SMOC1: variants seen among roughly 807,000 people sequenced by gnomAD.
The protein encoded by SMOC1 is SPARC-related modular calcium-binding protein 1.
SMOC1 carries 22 observed loss-of-function variants against 56.3 expected under a neutral mutation model. The observed-to-expected ratio is 0.39, with a 90% CI of 0.28 to 0.56. The LOEUF (loss-of-function observed/expected upper bound fraction) is 0.56. Among genes scored for constraint, SMOC1 ranks in the 20% least tolerant of loss-of-function variants. The pLI, the probability that SMOC1 is intolerant of heterozygous loss-of-function variation, is 0.61. For missense variants in SMOC1, 509 were observed against 565.4 expected, an observed-to-expected ratio of 0.90 and a Z score of 1.01; for synonymous variants, 193 against 215.0, an observed-to-expected ratio of 0.90 and a Z score of 0.89.
At chr14:69,997,857 A>T (rs984074490) in intron 7 of SMOC1, among the ~76,000 whole-genome samples, 1 of 152,156 alleles carries the variant, frequency 6.6e-6, no homozygotes, top group African/African-American at 2.4e-5. Context: ...GGTGTGCTTC[A>T]GCCTGCATCC....
intron 1 of SMOC1, among the ~76,000 whole-genome samples, chr14:69,940,793 T>C (rs1282114665): frequency 6.6e-6 from 1 of 151,862 alleles, no homozygotes; most frequent in East Asian, 1.9e-4. Context: ...AATATCTGGA[T>C]CCCTGGGTCC....
intron 1 of SMOC1, among the ~76,000 whole-genome samples, chr14:69,940,760 G>T (rs1364613108): frequency 6.6e-6 from 1 of 151,424 alleles, no homozygotes; most frequent in Non-Finnish European, 1.5e-5. Context: ...TTCCCTCAAT[G>T]CTAGTGGGCT....
intron 1 of SMOC1, among the ~76,000 whole-genome samples, chr14:69,900,061 C>T (rs1397789973): frequency 6.6e-6 from 1 of 152,228 alleles, no homozygotes; most frequent in Admixed American, 6.5e-5. Flanking sequence ...CTATTCACTC[C>T]AGACACACAC....
chr14:69,904,458 T>G (rs953240759), intron 1 of SMOC1, among the ~76,000 whole-genome samples: 1 of 152,230 alleles, frequency 6.6e-6, no homozygotes, highest in Admixed American at 6.5e-5. Flanking sequence ...CTCCAGCACA[T>G]GCCCTTAAGG....
chr14:69,957,087 G>T (rs1014555364), intron 3 of SMOC1, among the ~76,000 whole-genome samples: 2 of 152,174 alleles, frequency 1.3e-5, no homozygotes, highest in African/African-American at 4.8e-5. Flanking sequence ...GGTCTTATCT[G>T]TTTTCTGTTC....
At chr14:69,884,198 G>A (rs1014226170) in intron 1 of SMOC1, among the ~76,000 whole-genome samples, 6 of 152,108 alleles carry the variant, frequency 3.9e-5, no homozygotes, top group South Asian at 2.1e-4. Flanking sequence ...GAGCCACCGC[G>A]CCCGGCCGAG....
chr14:69,958,287 T>A (rs1344485034), intron 3 of SMOC1, among the ~76,000 whole-genome samples: 1 of 152,012 alleles, frequency 6.6e-6, no homozygotes, highest in East Asian at 1.9e-4. Context: ...AGAGAAAAAC[T>A]AAACTAAAAG....
intron 1 of SMOC1, among the ~76,000 whole-genome samples, chr14:69,924,610 C>T (rs970548822): frequency 6.6e-6 from 1 of 151,256 alleles, no homozygotes; most frequent in African/African-American, 2.4e-5. Flanking sequence ...CCACATTCTT[C>T]TGCCTGTCTT....
rs1884605195 is a variant in SMOC1 at position 69,992,591 on chromosome 14, A to AT, written c.583+123dup. 3 of 875,870 alleles carry AT rather than the reference A, an allele frequency of 3.4e-6. No individual in the cohort carries two copies. In the East Asian group the frequency reaches 8.1e-5, roughly 24 times the overall value. The allele number at this position is 875,870 out of a possible 1,614,324, so 54.3% of individuals were successfully genotyped here. A position where few individuals can be genotyped will look rare whatever the true frequency, so the allele number is the denominator to read the frequency against. ...ATTATTATTTTCTTTTTTAATTTCAATTTTTCCCAGTGTAAGCTGGGTTGT... is the reference window on the plus strand; with the variant it reads ...ATTATTATTTTCTTTTTTAATTTCAATTTTTTCCCAGTGTAAGCTGGGTTGT... On this transcript the variant is annotated intron_variant, in intron 6 of 11. Transcript: ENST00000361956.
At chr14:70,015,512 C>T (rs1279603658) in intron 10 of SMOC1, among the ~76,000 whole-genome samples, 5 of 152,030 alleles carry the variant, frequency 3.3e-5, no homozygotes, top group African/African-American at 9.7e-5. Context: ...AGTGGTTGCC[C>T]GTCTTGGAAA....
chr14:69,891,492 C>G (rs570749606), intron 1 of SMOC1, among the ~76,000 whole-genome samples: 24 of 152,222 alleles, frequency 1.6e-4, no homozygotes, highest in Non-Finnish European at 2.6e-4. Context: ...CTGAGCATGA[C>G]TTTCCTTTCA....
chr14:70,001,573 G>A (rs1411932889), intron 7 of SMOC1, among the ~76,000 whole-genome samples: 1 of 152,114 alleles, frequency 6.6e-6, no homozygotes, highest in East Asian at 1.9e-4. Flanking sequence ...TGCCTCTGGA[G>A]CATACTGCTC....
intron 3 of SMOC1, among the ~76,000 whole-genome samples, chr14:69,971,903 A>G (rs188788754): frequency 6.6e-6 from 1 of 152,098 alleles, no homozygotes; most frequent in Non-Finnish European, 1.5e-5. Context: ...TCAGAATAGG[A>G]TGTTCTTTTG....
chr14:69,926,082 A>G (rs1330781775), intron 1 of SMOC1, among the ~76,000 whole-genome samples: 2 of 151,144 alleles, frequency 1.3e-5, no homozygotes, highest in Admixed American at 6.6e-5. Context: ...TTGGCTCCTG[A>G]CTTGGTATTA....
At chr14:70,009,402 G>A (rs1403477878) in intron 7 of SMOC1, among the ~76,000 whole-genome samples, 2 of 152,290 alleles carry the variant, frequency 1.3e-5, no homozygotes, top group East Asian at 1.9e-4. Flanking sequence ...AAACATGCGT[G>A]CTTTACCTAT....
chr14:69,927,732 T>C (rs1017838541), intron 1 of SMOC1, among the ~76,000 whole-genome samples: 1 of 152,130 alleles, frequency 6.6e-6, no homozygotes, highest in African/African-American at 2.4e-5. Flanking sequence ...GCAGGATTGC[T>C]TGGGGGTGGA....
At chr14:69,981,770 G>A (rs1253460577) in intron 5 of SMOC1, among the ~76,000 whole-genome samples, 1 of 152,198 alleles carries the variant, frequency 6.6e-6, no homozygotes, top group East Asian at 1.9e-4. Flanking sequence ...AAGTTATCCT[G>A]CAGCAGCTTT....
intron 1 of SMOC1, among the ~76,000 whole-genome samples, 159 bp downstream of exon 1, chr14:69,879,936 A>AT (rs886589042): frequency 3.3e-5 from 5 of 151,748 alleles, no homozygotes; most frequent in Non-Finnish European, 5.9e-5. Context: ...TTGCTGAAAT[A>AT]TTTTTTTTCT....
intron 3 of SMOC1, among the ~76,000 whole-genome samples, chr14:69,973,689 T>C (rs1434040162): frequency 6.6e-6 from 1 of 152,222 alleles, no homozygotes; most frequent in Non-Finnish European, 1.5e-5. Flanking sequence ...TCCCCCTATC[T>C]TGTCTTATCC....
Sources: allele counts gnomAD v4.1 joint callset (sites outside exome capture counted in the v4.1 genomes callset), GRCh38; gene constraint gnomAD v4.1.1; transcripts MANE v1.5; gene names NCBI Gene and HGNC (gene_info 2026-07-23, HGNC 2026-07-21).